Variants in PAX7 observed in about 807,000 individuals in gnomAD.
PAX7 encodes the protein paired box 7, also known as paired box protein Pax-7.
In PAX7, 18 loss-of-function variants were observed where a neutral mutation model predicts 50.7. The ratio of observed to expected loss-of-function variants is 0.36; its 90% CI spans 0.25 to 0.53. PAX7 has a LOEUF of 0.53. Among genes scored for constraint, PAX7 ranks in the 20% least tolerant of loss-of-function variants. PAX7 has a pLI of 0.93. For synonymous variants in PAX7, 310 were observed against 290.4 expected (o/e 1.07, Z -0.69); for missense variants, 644 against 702.9 (o/e 0.92, Z 0.95).
At position 18,745,745 on chromosome 1, in the gene PAX7, T is replaced by C. The variant is rs1458728885; in HGVS notation, c.*816T>C. 8.6e-6 allele frequency: 2 copies of C among 231,458 alleles called. No individual in the cohort carries two copies. Among genetic ancestry groups the C allele is most frequent in the African/African-American group, 2.2e-5 (1 of 45,238 alleles). The allele number at this position is 231,458 out of a possible 1,614,324, so 14.3% of individuals were successfully genotyped here. A position where few individuals can be genotyped will look rare whatever the true frequency, so the allele number is the denominator to read the frequency against. ...TATCCTGAAGCCCAAGTTCCCAGCATGTCCACTCCATCTGGGGCCTGGGGA... is the reference window on the plus strand; with the variant it reads ...TATCCTGAAGCCCAAGTTCCCAGCACGTCCACTCCATCTGGGGCCTGGGGA... On this transcript the variant is annotated 3_prime_UTR_variant, in exon 9 of 9. Transcript: ENST00000420770.
chr1:18,726,636 G>T lies in PAX7; in HGVS notation c.1156-8996G>T, dbSNP rs553196287. 6.6e-6 allele frequency among the ~76,000 whole-genome samples: 1 copy of T among 152,298 alleles called. No individual in the cohort carries two copies. Among genetic ancestry groups the T allele is most frequent in the East Asian group, 1.9e-4 (1 of 5,176 alleles). On this transcript the variant is annotated intron_variant, in intron 7 of 8. Transcript: ENST00000420770. This position sits in a 1 kb window ranked among gnomAD's most constrained non-coding sequence, Gnocchi z 4.8. ...CCTTAGTGGGACTGAAAGTTTCCAC[G>T]GGGTAAGGCTTGAACACAGGGACCT...
intron 4 of PAX7, among the ~76,000 whole-genome samples, chr1:18,652,806 T>C (rs1416466): frequency 0.038 from 5,799 of 152,330 alleles, 167 homozygotes; most frequent in Non-Finnish European, 0.056. Flanking sequence ...GCCATCTCAC[T>C]GGACACCTGT....
Position 18,746,980 on chromosome 1 carries a change from A to G in PAX7, c.*2051A>G, listed in dbSNP as rs1570256092. On this transcript the variant is annotated 3_prime_UTR_variant, in exon 9 of 9. Transcript: ENST00000420770. ...GGTTGCAACTGGAGCGTCCACTGCC[A>G]GAGACCTTTGGCTCTTCAAGCTCGG... is the stretch of plus-strand genomic sequence containing the variant. 7 of 231,384 alleles carry G rather than the reference A, an allele frequency of 3.0e-5. No homozygotes were observed. In the East Asian group the frequency reaches 4.3e-4, roughly 14 times the overall value. 14.3% of individuals were successfully genotyped at this position (231,384 alleles called of 1,614,324 possible). A position where few individuals can be genotyped will look rare whatever the true frequency, so the allele number is the denominator to read the frequency against.
chr1:18,703,125 C>T lies in PAX7; in HGVS notation c.984C>T (p.Pro328=). The T allele has an allele frequency of 6.2e-7, 1 of 1,614,000 alleles. No homozygotes were observed. Among genetic ancestry groups the T allele is most frequent in the African/African-American group, 1.3e-5 (1 of 75,064 alleles). ...GCAGCACTGTGCACCGGCCTCAGCC[C>T]CTGCCACCGTCCACCATGCACCAGG... ...DGGSTVHRPQ[P]LPPSTMHQGG... is the part of the protein sequence containing the mutation. Residue 328 remains proline (P), a synonymous_variant, in exon 7 of 9, where the codon CCC becomes CCT. Coordinates refer to ENST00000420770, the MANE Select transcript of PAX7 (RefSeq NM_001135254.2).
intron 7 of PAX7, among the ~76,000 whole-genome samples, chr1:18,709,555 A>G (rs983680681): frequency 3.9e-5 from 6 of 152,178 alleles, no homozygotes; most frequent in Non-Finnish European, 7.3e-5. Context: ...GGCAGAGATC[A>G]TGCTTACAGA....
In PAX7 at chr1:18,710,002, G is replaced by A. The variant is rs145779623; in HGVS notation, c.1155+6706G>A. ...TTTGTGAATGGGGTCTCCTGGGTGC[G>A]TCTTAACAGCACATGCCCAGTACTG... On this transcript the variant is annotated intron_variant, in intron 7 of 8. Coordinates refer to ENST00000420770, the MANE Select transcript of PAX7 (RefSeq NM_001135254.2). Among the ~76,000 whole-genome samples the A allele has an allele frequency of 3.0e-3, 451 of 152,348 alleles. 3 individuals are homozygous for A. Among genetic ancestry groups the A allele is most frequent in the Non-Finnish European group, 5.4e-3 (366 of 68,032 alleles).
rs557666273 is a variant in PAX7, at chr1:18,676,238, T to G, written c.587-15516T>G. ...TCGTCCTCAAACAATGGCAATAAAC[T>G]CTTTCCCAGAGTGTTGCAAATCAGA... On this transcript the variant is annotated intron_variant, in intron 4 of 8. Transcript: ENST00000420770. Among the ~76,000 whole-genome samples the G allele has an allele frequency of 3.3e-5, 5 of 152,268 alleles. No individual in the cohort carries two copies. The East Asian group carries it at 7.8e-4, about 24-fold the overall frequency.
At position 18,631,391 on chromosome 1, in the gene PAX7, C is replaced by A. The variant is rs912926296; in HGVS notation, c.-213C>A. The A allele has an allele frequency of 8.8e-6, 5 of 571,166 alleles. No homozygotes were observed. In the East Asian group the frequency reaches 1.4e-4, roughly 16 times the overall value. 35.4% of individuals were successfully genotyped at this position (571,166 alleles called of 1,614,324 possible). On this transcript the variant is annotated 5_prime_UTR_variant, in exon 1 of 9. Coordinates refer to ENST00000420770, the MANE Select transcript of PAX7 (RefSeq NM_001135254.2). ...CGCCACCTTCCCTCCCCCCAACCTC[C>A]ACCCCACCTCACCCCCCTCCCCAGC...
intron 6 of PAX7, among the ~76,000 whole-genome samples, chr1:18,701,909 G>A (rs959291780): frequency 2.0e-5 from 3 of 152,136 alleles, no homozygotes; most frequent in African/African-American, 7.2e-5. Flanking sequence ...AGGAAAGTCT[G>A]GGTCTCAGGA....
chr1:18,683,987 T>C (rs1047151936), intron 4 of PAX7, among the ~76,000 whole-genome samples: 1 of 152,190 alleles, frequency 6.6e-6, no homozygotes, highest in Non-Finnish European at 1.5e-5. Context: ...ATCTGTGTTT[T>C]CACATGTGGG....
chr1:18,691,036 G>A (rs1435055729), intron 4 of PAX7, among the ~76,000 whole-genome samples: 2 of 152,188 alleles, frequency 1.3e-5, no homozygotes, highest in Admixed American at 1.3e-4. Context: ...CTGAAGTGTG[G>A]TGGTGTGATT....
rs1394259638 is a variant in PAX7, at chr1:18,691,833, C to G, written c.666C>G (p.Thr222=). The part of the protein sequence containing the change: ...PLKRKQRRSR[T]TFTAEQLEEL... Reference sequence around the variant, plus strand: ...AGCGCAAGCAGCGACGCAGTCGGACCACATTCACGGCCGAGCAGCTGGAGG... The same window carrying G: ...AGCGCAAGCAGCGACGCAGTCGGACGACATTCACGGCCGAGCAGCTGGAGG... The change falls in exon 5 of 9, where the codon ACC becomes ACG. Residue 222 remains threonine (T), a synonymous_variant. Coordinates refer to ENST00000420770, the MANE Select transcript of PAX7 (RefSeq NM_001135254.2). The G allele has an allele frequency of 6.2e-7, 1 of 1,613,476 alleles. No homozygotes were observed. Among genetic ancestry groups the G allele is most frequent in the South Asian group, 1.1e-5 (1 of 90,904 alleles).
intron 7 of PAX7, among the ~76,000 whole-genome samples, chr1:18,729,888 C>T (rs2743189): frequency 0.28 from 42,386 of 151,972 alleles, 6,558 homozygotes; most frequent in African/African-American, 0.39. Flanking sequence ...CAGAGCAATG[C>T]TTCATTCAGA....
At chr1:18,728,876 A>C (rs981573092) in intron 7 of PAX7, among the ~76,000 whole-genome samples, 8 of 151,840 alleles carry the variant, frequency 5.3e-5, no homozygotes, top group South Asian at 2.1e-4. Flanking sequence ...AAAAAAAAAA[A>C]CAAAAAACTC....
intron 1 of PAX7, among the ~76,000 whole-genome samples, chr1:18,633,230 TAC>T (rs1481786331): frequency 3.3e-5 from 5 of 152,110 alleles, no homozygotes; most frequent in Admixed American, 1.3e-4. Context: ...CCCTTTCAAT[TAC>T]AGTCAGCTCC....
At chr1:18,665,480 A>G (rs1349924085) in intron 4 of PAX7, among the ~76,000 whole-genome samples, 2 of 151,816 alleles carry the variant, frequency 1.3e-5, no homozygotes, top group Non-Finnish European at 2.9e-5. Flanking sequence ...AGTTCAAGCA[A>G]TTCTCCTGCC....
chr1:18,684,508 C>T (rs1025969344), intron 4 of PAX7, among the ~76,000 whole-genome samples: 2 of 152,236 alleles, frequency 1.3e-5, no homozygotes, highest in Admixed American at 6.5e-5. Context: ...CACGCCCGAG[C>T]CCCGTACACC....
chr1:18,669,388 G>A (rs2088711440), intron 4 of PAX7, among the ~76,000 whole-genome samples: 1 of 152,146 alleles, frequency 6.6e-6, no homozygotes, highest in Non-Finnish European at 1.5e-5. Context: ...CCATATGGTG[G>A]CACCCTCAGG....
In PAX7 at chr1:18,742,152, T is replaced by TC. The variant is rs1395526462; in HGVS notation, c.1403-2662_1403-2661insC. ...GTCCCTCTAAGAATGAGGCTTCTTT[T>TC]TTTTTTTTTTTTTTTTTTTTTTTGA... is the stretch of plus-strand genomic sequence containing the variant. On this transcript the variant is annotated intron_variant, in intron 8 of 8. Coordinates refer to ENST00000420770, the MANE Select transcript of PAX7 (RefSeq NM_001135254.2). 2.8e-4 allele frequency among the ~76,000 whole-genome samples: 32 copies of TC among 112,438 alleles called. 2 individuals carry two copies. Among genetic ancestry groups the TC allele is most frequent in the South Asian group, 6.0e-4 (2 of 3,358 alleles). The allele number at this position is 112,438 out of a possible 152,430, so 73.8% of individuals were successfully genotyped here. A position where few individuals can be genotyped will look rare whatever the true frequency, so the allele number is the denominator to read the frequency against.
Sources: allele counts gnomAD v4.1 joint callset (sites outside exome capture counted in the v4.1 genomes callset), GRCh38; gene constraint gnomAD v4.1.1; non-coding constraint Gnocchi (gnomAD v3.1); transcripts MANE v1.5; gene names NCBI Gene and HGNC (gene_info 2026-07-23, HGNC 2026-07-21).